The following CNGB1 variants were observed in gnomAD, a reference collection of about 807,000 sequenced individuals.
CNGB1 encodes cyclic nucleotide-gated channel beta-1.
CNGB1 carries 126 observed loss-of-function variants against 151.7 expected under a neutral mutation model. That is an observed-to-expected ratio of 0.83 (90% CI 0.72 to 0.96). The LOEUF (loss-of-function observed/expected upper bound fraction) is 0.96, where lower values mean the gene tolerates loss of function less well. CNGB1 is among the 40% of genes least tolerant of loss of function. The pLI, the probability that CNGB1 is intolerant of heterozygous loss-of-function variation, is 0.00. For synonymous variants in CNGB1, 623 were observed against 635.1 expected, an observed-to-expected ratio of 0.98 and a Z score of 0.29; for missense variants, 1,698 against 1,627.0, an observed-to-expected ratio of 1.04 and a Z score of -0.75.
At chr16:57,895,420 A>C (rs571555848) in intron 31 of CNGB1, among the ~76,000 whole-genome samples, 1 of 152,104 alleles carries the variant, frequency 6.6e-6, no homozygotes, top group Admixed American at 6.6e-5. Context: ...AAAAGAATGA[A>C]TTCTGTGGTG....
intron 25 of CNGB1, among the ~76,000 whole-genome samples, chr16:57,905,437 G>T (rs1206980729): frequency 2.0e-5 from 3 of 152,232 alleles, no homozygotes; most frequent in African/African-American, 7.2e-5. Flanking sequence ...GCTGGGCGCT[G>T]TCTGCTTCTC....
chr16:57,923,812 C>T (rs1055729559), intron 17 of CNGB1, among the ~76,000 whole-genome samples: 6 of 152,138 alleles, frequency 3.9e-5, no homozygotes, highest in Admixed American at 2.6e-4. Context: ...TAAAGTCACC[C>T]ACCTCATTCC....
At chr16:57,924,243 T>C (rs1961124616) in intron 17 of CNGB1, among the ~76,000 whole-genome samples, 2 of 151,684 alleles carry the variant, frequency 1.3e-5, no homozygotes, top group African/African-American at 4.8e-5. Context: ...AATGAATTGG[T>C]TTACTGAGAA....
chr16:57,906,138 A>G (rs1410373055), intron 25 of CNGB1, among the ~76,000 whole-genome samples: 1 of 152,176 alleles, frequency 6.6e-6, no homozygotes, highest in East Asian at 1.9e-4. Flanking sequence ...TGGGCTCTGG[A>G]CCAGGCTGGC....
intron 27 of CNGB1, among the ~76,000 whole-genome samples, chr16:57,902,714 G>A (rs144678942): frequency 0.019 from 2,930 of 152,130 alleles, 77 homozygotes; most frequent in African/African-American, 0.062. Context: ...AGGCTCAAGC[G>A]ATCCTCCAGC....
chr16:57,891,294 G>A (rs1001876263), intron 31 of CNGB1, among the ~76,000 whole-genome samples: 1 of 152,234 alleles, frequency 6.6e-6, no homozygotes, highest in Middle Eastern at 3.4e-3. Flanking sequence ...TTGTTCCTAG[G>A]GGAAATACAA....
chr16:57,897,795 C>T lies in CNGB1; in HGVS notation c.3095+1G>A, dbSNP rs758524873. On this transcript the variant is annotated splice_donor_variant, in intron 30 of 32. Transcript: ENST00000251102. LOFTEE classifies it high-confidence loss of function. ...CTCACTTTACCCCAGCTGCGTCTGACCTTATTTCTCCAAACACAGATCCAG... is the reference window on the plus strand; with the variant it reads ...CTCACTTTACCCCAGCTGCGTCTGATCTTATTTCTCCAAACACAGATCCAG... 1.9e-6 allele frequency: 3 copies of T among 1,614,058 alleles called. No homozygotes were observed. Among genetic ancestry groups the T allele is most frequent in the East Asian group, 2.2e-5 (1 of 44,880 alleles).
chr16:57,891,825 G>A (rs1960099644), intron 31 of CNGB1, among the ~76,000 whole-genome samples: 1 of 152,120 alleles, frequency 6.6e-6, no homozygotes, highest in Non-Finnish European at 1.5e-5. Context: ...CCAAAGTGCT[G>A]GGATTACAGG....
At chr16:57,923,240 T>G in intron 18 of CNGB1, 33 bp downstream of exon 18, 6 of 1,327,528 alleles carry the variant, frequency 4.5e-6, no homozygotes, top group East Asian at 2.7e-5. Context: ...CCCCGCAGTC[T>G]TTCAATTTTC....
rs578119926 is a variant in CNGB1, at chr16:57,953,251, C to G, written c.875-2711G>C. On this transcript the variant is annotated intron_variant, in intron 12 of 32. Coordinates refer to ENST00000251102, the MANE Select transcript of CNGB1 (RefSeq NM_001297.5). ...GTAGCTCACACCTGTAATCCCGGCA[C>G]TTTGGGAGGCCGAGGTCGGCAGATC... Among the ~76,000 whole-genome samples the G allele has an allele frequency of 5.2e-4, 79 of 152,290 alleles. 2 individuals carry two copies. Among genetic ancestry groups the G allele is most frequent in the South Asian group, 2.1e-3 (10 of 4,822 alleles).
At chr16:57,894,756 T>A (rs891643275) in intron 31 of CNGB1, among the ~76,000 whole-genome samples, 1 of 152,124 alleles carries the variant, frequency 6.6e-6, no homozygotes, top group Non-Finnish European at 1.5e-5. Context: ...CTTTTCTGAG[T>A]GCCCCATTTT....
intron 17 of CNGB1, among the ~76,000 whole-genome samples, chr16:57,925,677 G>A (rs900415535): frequency 6.7e-6 from 1 of 149,152 alleles, no homozygotes; most frequent in African/African-American, 2.5e-5. Flanking sequence ...GGTTTCCCAA[G>A]GGAAGTTCAT....
At chr16:57,960,565 T>C (rs1158222761) in intron 8 of CNGB1, 35 bp from the exon 9 acceptor site, 3 of 1,607,606 alleles carry the variant, frequency 1.9e-6, no homozygotes, top group Non-Finnish European at 2.6e-6. Flanking sequence ...TCATGGGCCA[T>C]AGCAAGCTCT....
chr16:57,906,394 C>T (rs551973180), intron 25 of CNGB1, among the ~76,000 whole-genome samples: 5 of 152,316 alleles, frequency 3.3e-5, no homozygotes, highest in Admixed American at 3.3e-4. Context: ...AACAGATTCG[C>T]CCATATCCTC....
At chr16:57,950,694 C>A (rs368004579) in intron 12 of CNGB1, among the ~76,000 whole-genome samples, 154 bp from the exon 13 acceptor site, 1 of 152,234 alleles carries the variant, frequency 6.6e-6, no homozygotes, top group South Asian at 2.1e-4. Flanking sequence ...CCATTTTCAG[C>A]GGGACCAGAT....
chr16:57,896,894 T>A (rs1960244931), intron 31 of CNGB1, among the ~76,000 whole-genome samples: 1 of 152,072 alleles, frequency 6.6e-6, no homozygotes, highest in African/African-American at 2.4e-5. Flanking sequence ...TAGACCTGAT[T>A]CAGGAATGGA....
chr16:57,967,411 C>A, intron 1 of CNGB1, 117 bp from the exon 2 acceptor site: 1 of 1,086,960 alleles, frequency 9.2e-7, no homozygotes, highest in Non-Finnish European at 1.4e-6. Flanking sequence ...AAAAACATTT[C>A]GACTGGGTGC....
rs780530196 is a variant in CNGB1, at chr16:57,917,495, G to A, written c.1958-19C>T. The A allele has an allele frequency of 6.2e-6, 10 of 1,612,492 alleles. No individual in the cohort carries two copies. Among genetic ancestry groups the A allele is most frequent in the Non-Finnish European group, 8.5e-6 (10 of 1,179,292 alleles). ...ATCAGGTCTGTGGGGAAGGTTGACG[G>A]GGACGCTAGAGCATCAGCCAGGCAA... On this transcript the variant is annotated intron_variant, in intron 20 of 32. Transcript: ENST00000251102.
intron 29 of CNGB1, 143 bp downstream of exon 29, chr16:57,901,209 G>C (rs1438547441): frequency 8.3e-6 from 7 of 847,346 alleles, no homozygotes; most frequent in Non-Finnish European, 1.4e-5. Context: ...TCAGGTCACT[G>C]CAGCATGAAG....
Sources: allele counts gnomAD v4.1 joint callset (sites outside exome capture counted in the v4.1 genomes callset), GRCh38; gene constraint gnomAD v4.1.1; transcripts MANE v1.5; gene names NCBI Gene and HGNC (gene_info 2026-07-23, HGNC 2026-07-21).